The following PDE4B variants were observed in gnomAD, a reference collection of about 807,000 sequenced individuals.
The protein encoded by PDE4B is phosphodiesterase 4B.
PDE4B carries 20 observed loss-of-function variants against 82.2 expected under a neutral mutation model. The ratio of observed to expected loss-of-function variants is 0.24; its 90% confidence interval spans 0.17 to 0.35. The LOEUF (loss-of-function observed/expected upper bound fraction) is 0.35, where lower values mean the gene tolerates loss of function less well. PDE4B is among the 10% of genes least tolerant of loss of function. PDE4B has a pLI of 1.00. For synonymous variants in PDE4B, 320 were observed against 318.9 expected (o/e 1.00, Z -0.04); for missense variants, 655 against 907.2 (o/e 0.72, Z 3.57).
At chr1:66,134,062 T>C (rs541379481) in intron 3 of PDE4B, among the ~76,000 whole-genome samples, 14 of 151,932 alleles carry the variant, frequency 9.2e-5, no homozygotes, top group African/African-American at 3.1e-4. Context: ...AAAAAAGACT[T>C]CTAAGGCTGC....
intron 3 of PDE4B, among the ~76,000 whole-genome samples, chr1:66,114,536 A>G (rs1645553409): frequency 6.6e-6 from 1 of 152,210 alleles, no homozygotes; most frequent in Non-Finnish European, 1.5e-5. Context: ...TGCAAATTAT[A>G]CAAGCTTAGA....
rs1054111421 is a variant in PDE4B, at chr1:66,372,973, T to C, written c.*295T>C. On this transcript the variant is annotated 3_prime_UTR_variant, in exon 17 of 17. Coordinates refer to ENST00000341517, the MANE Select transcript of PDE4B (RefSeq NM_002600.4). ...GGAAGACACAAAACTGAGAGATCAT[T>C]CTGCACTAAGTTTCGGGAACTTATC... 3 of 307,478 alleles carry C rather than the reference T, an allele frequency of 9.8e-6. No individual in the cohort carries two copies. Among genetic ancestry groups the C allele is most frequent in the Admixed American group, 4.5e-5 (1 of 22,358 alleles). 19.0% of individuals were successfully genotyped at this position (307,478 alleles called of 1,614,324 possible).
chr1:66,037,387 G>T (rs193092364), intron 3 of PDE4B, among the ~76,000 whole-genome samples: 203 of 152,092 alleles, frequency 1.3e-3, no homozygotes, highest in Non-Finnish European at 2.4e-3. Context: ...TTATAAATAG[G>T]ATTGTTTTCT....
At chr1:65,934,368 G>T (rs892621865) in intron 3 of PDE4B, among the ~76,000 whole-genome samples, 36 of 152,206 alleles carry the variant, frequency 2.4e-4, no homozygotes, top group African/African-American at 7.5e-4. Flanking sequence ...CAGGAGGATT[G>T]CTTAAGCCTA....
At chr1:65,838,484 C>CGTATATGTATATATATGTATAT in intron 1 of PDE4B, among the ~76,000 whole-genome samples, 1 of 146,442 alleles carries the variant, frequency 6.8e-6, no homozygotes, top group Non-Finnish European at 1.5e-5. Context: ...TATATATATA[C>CGTATATGTATATATATGTATAT]GTATATGTAT....
chr1:66,185,627 C>T (rs1302188590), intron 3 of PDE4B, among the ~76,000 whole-genome samples: 2 of 152,196 alleles, frequency 1.3e-5, no homozygotes, highest in South Asian at 2.1e-4. Flanking sequence ...TTTTTGGCTG[C>T]ATAAATGTCT....
At position 66,266,211 on chromosome 1, in the gene PDE4B, CTTGGTGACT is replaced by C. The variant is rs878961802; in HGVS notation, c.634+127_634+135del. ...TATTGTGGCTCTCAAAAGTATGTCT[CTTGGTGACT>C]TTTTTCTAAGGTACACTGGAGCATT... On this transcript the variant is annotated intron_variant, in intron 7 of 16. Transcript: ENST00000341517. 6.2e-5 allele frequency: 47 copies of C among 762,130 alleles called. No homozygotes were observed. In the South Asian group the frequency reaches 6.9e-4, roughly 11 times the overall value. The allele number at this position is 762,130 out of a possible 1,614,324, so 47.2% of individuals were successfully genotyped here.
rs149762942 is a variant in PDE4B, at chr1:66,239,251, C to G, written c.282-8209C>G. Among the ~76,000 whole-genome samples, 490 of 152,144 alleles carry G rather than the reference C, an allele frequency of 3.2e-3. 4 individuals are homozygous for G. The highest frequency in any genetic ancestry group is 0.011 in the African/African-American group (466 of 41,496). On this transcript the variant is annotated intron_variant, in intron 3 of 16. Coordinates refer to ENST00000341517, the MANE Select transcript of PDE4B (RefSeq NM_002600.4). ...AGAATGTAGCCTGGAAAATATTGAG[C>G]GAGTAGAATATTTTGTATACTCAAA...
Position 66,370,150 on chromosome 1 carries a change from C to CAAA in PDE4B, c.1845+1207_1845+1209dup, listed in dbSNP as rs752920376. On this transcript the variant is annotated intron_variant, in intron 16 of 16. Transcript: ENST00000341517. ...TGGGCAACAGAGCAAGACTCTATCT[C>CAAA]AAAAAAAAAAAAAAAAAAAAAAAAA... 5.7e-3 allele frequency among the ~76,000 whole-genome samples: 162 copies of CAAA among 28,644 alleles called. 6 individuals carry two copies. Among genetic ancestry groups the CAAA allele is most frequent in the African/African-American group, 9.3e-3 (104 of 11,162 alleles). The allele number at this position is 28,644 out of a possible 152,430, so 18.8% of individuals were successfully genotyped here. A position where few individuals can be genotyped will look rare whatever the true frequency, so the allele number is the denominator to read the frequency against.
chr1:66,297,250 A>G (rs1434323062), intron 7 of PDE4B, among the ~76,000 whole-genome samples: 2 of 152,088 alleles, frequency 1.3e-5, no homozygotes, highest in African/African-American at 2.4e-5. Context: ...ATCCATTATT[A>G]CCTAAGACCC....
chr1:66,332,354 G>A (rs756836197), intron 7 of PDE4B, 154 bp from the exon 8 acceptor site: 18 of 1,609,744 alleles, frequency 1.1e-5, no homozygotes, highest in Non-Finnish European at 3.4e-6. Flanking sequence ...TTCTCCTGGT[G>A]GAGAGAGCTG....
At chr1:66,100,817 C>A (rs1251890962) in intron 3 of PDE4B, among the ~76,000 whole-genome samples, 1 of 151,966 alleles carries the variant, frequency 6.6e-6, no homozygotes, top group Non-Finnish European at 1.5e-5. Flanking sequence ...TTGAATAGAA[C>A]CCAGTAATTT....
chr1:66,287,692 C>T (rs75314644), intron 7 of PDE4B, among the ~76,000 whole-genome samples: 3,073 of 152,218 alleles, frequency 0.02, 60 homozygotes, highest in Non-Finnish European at 0.031. Flanking sequence ...ATATCGCCTA[C>T]GTTTTAGGCT....
At chr1:66,048,998 C>T (rs1292824247) in intron 3 of PDE4B, 1 of 151,908 alleles carries the variant, frequency 6.6e-6, no homozygotes, top group Non-Finnish European at 1.5e-5. Flanking sequence ...ATGATTTATC[C>T]AGTAATGCAT....
At chr1:65,946,821 T>C (rs1424973408) in intron 3 of PDE4B, among the ~76,000 whole-genome samples, 1 of 151,946 alleles carries the variant, frequency 6.6e-6, no homozygotes, top group Non-Finnish European at 1.5e-5. Context: ...GTTTGGCAAA[T>C]AGATCATAAC....
chr1:66,276,413 T>C (rs1655882990), intron 7 of PDE4B, among the ~76,000 whole-genome samples: 1 of 152,216 alleles, frequency 6.6e-6, no homozygotes, highest in South Asian at 2.1e-4. Flanking sequence ...TAAACCACAC[T>C]GTCTCTGCCT....
intron 3 of PDE4B, among the ~76,000 whole-genome samples, chr1:65,982,303 C>T (rs1650729095): frequency 6.6e-6 from 1 of 152,102 alleles, no homozygotes; most frequent in African/African-American, 2.4e-5. Flanking sequence ...AGCTGAGGAG[C>T]TTTCTAAGCA....
At chr1:65,928,308 G>T (rs555489607) in intron 3 of PDE4B, among the ~76,000 whole-genome samples, 3 of 152,076 alleles carry the variant, frequency 2.0e-5, no homozygotes, top group Admixed American at 2.0e-4. Flanking sequence ...TTGTCCATTC[G>T]ACCTAGAAGT....
chr1:65,924,701 A>G, intron 3 of PDE4B, among the ~76,000 whole-genome samples: 1 of 152,206 alleles, frequency 6.6e-6, no homozygotes, highest in East Asian at 1.9e-4. Flanking sequence ...ATGGGTGGAA[A>G]GGTGGGCAGA....
Sources: allele counts gnomAD v4.1 joint callset (sites outside exome capture counted in the v4.1 genomes callset), GRCh38; gene constraint gnomAD v4.1.1; transcripts MANE v1.5; gene names NCBI Gene and HGNC (gene_info 2026-07-23, HGNC 2026-07-21).